The following EEFSEC variants were observed in gnomAD, a reference collection of about 807,000 sequenced individuals.
EEFSEC encodes selenocysteine-specific elongation factor.
In EEFSEC, 43 loss-of-function variants were observed where a neutral mutation model predicts 42.1. The observed-to-expected ratio is 1.02, with a 90% CI of 0.80 to 1.32. The LOEUF is 1.32. EEFSEC is among the 40% of genes most tolerant of loss of function. The pLI is 0.00. For synonymous variants in EEFSEC, 354 were observed against 339.1 expected, an observed-to-expected ratio of 1.04 and a Z score of -0.48; for missense variants, 745 against 803.6, an observed-to-expected ratio of 0.93 and a Z score of 0.88.
intron 1 of EEFSEC, among the ~76,000 whole-genome samples, chr3:128,235,791 A>G (rs1459676110): frequency 1.3e-5 from 2 of 152,224 alleles, no homozygotes; most frequent in African/African-American, 2.4e-5. Flanking sequence ...ACACGTAGCA[A>G]TGAGTGTCCA....
Position 128,408,066 on chromosome 3 carries a change from C to T in EEFSEC, c.1601-3C>T. On this transcript the variant is annotated splice_region_variant and splice_polypyrimidine_tract_variant and intron_variant, in intron 6 of 6. Transcript: ENST00000254730. ...GTGACAGGCTCTCTTCTGTGCCTTG[C>T]AGGTGGCCTCAGCCCCGAGTCCAAG... The T allele has an allele frequency of 1.9e-6, 3 of 1,549,774 alleles. No individual in the cohort carries two copies. Among genetic ancestry groups the T allele is most frequent in the African/African-American group, 1.4e-5 (1 of 73,030 alleles).
At chr3:128,224,427 A>C (rs906646102) in intron 1 of EEFSEC, among the ~76,000 whole-genome samples, 3 of 152,210 alleles carry the variant, frequency 2.0e-5, no homozygotes, top group Non-Finnish European at 4.4e-5. Flanking sequence ...TCATGCATGC[A>C]TCCTTATCCC....
At chr3:128,230,572 A>G (rs1187597977) in intron 1 of EEFSEC, among the ~76,000 whole-genome samples, 2 of 152,178 alleles carry the variant, frequency 1.3e-5, no homozygotes, top group Non-Finnish European at 2.9e-5. Flanking sequence ...AGCACTCATA[A>G]TGATCACTTT....
chr3:128,346,989 A>G (rs1009853371), intron 5 of EEFSEC, among the ~76,000 whole-genome samples: 1 of 152,218 alleles, frequency 6.6e-6, no homozygotes, highest in African/African-American at 2.4e-5. Context: ...TAGTTTTCCA[A>G]CCCCTAATAT....
intron 6 of EEFSEC, among the ~76,000 whole-genome samples, chr3:128,371,298 C>G (rs1225561578): frequency 6.6e-6 from 1 of 151,970 alleles, no homozygotes; most frequent in Non-Finnish European, 1.5e-5. Context: ...ATGCTTGTAT[C>G]TGGCCTTTGT....
At chr3:128,426,050 T>C in the EEFSEC span, among the ~76,000 whole-genome samples, 1 of 152,180 alleles carries the variant, frequency 6.6e-6, no homozygotes, top group Non-Finnish European at 1.5e-5. Flanking sequence ...CATCCCCTGT[T>C]CAATCCTCAC....
chr3:128,213,923 C>T (rs1371689769), intron 1 of EEFSEC, among the ~76,000 whole-genome samples: 1 of 152,172 alleles, frequency 6.6e-6, no homozygotes, highest in Non-Finnish European at 1.5e-5. Flanking sequence ...GCCCCAACCT[C>T]AGCCAAGTAA....
chr3:128,202,407 A>G (rs1319540931), intron 1 of EEFSEC, among the ~76,000 whole-genome samples: 2 of 152,140 alleles, frequency 1.3e-5, no homozygotes, highest in African/African-American at 4.8e-5. Context: ...ATTTCTAAGT[A>G]TTTTATGTAT....
chr3:128,358,218 C>T lies in EEFSEC; in HGVS notation c.1445C>T (p.Ala482Val), dbSNP rs772331269. Residue 482 changes from alanine to valine, a missense_variant and splice_region_variant, in exon 6 of 7, where the codon GCG becomes GTG. Transcript: ENST00000254730. ...LKHKHGLVER[A>V]MDDYSVIGRS... Reference sequence around the variant, plus strand: ...CTGTGGCTGGGTGTGTGGGGACAGGCGATGGATGACTACAGTGTGATCGGC... The same window carrying T: ...CTGTGGCTGGGTGTGTGGGGACAGGTGATGGATGACTACAGTGTGATCGGC... 5.6e-6 allele frequency: 9 copies of T among 1,613,572 alleles called. No individual in the cohort carries two copies. The highest frequency in any genetic ancestry group is 1.6e-4 in the Middle Eastern group (1 of 6,082).
chr3:128,402,340 G>A (rs1432030288), intron 6 of EEFSEC, among the ~76,000 whole-genome samples: 1 of 152,154 alleles, frequency 6.6e-6, no homozygotes, highest in Non-Finnish European at 1.5e-5. Flanking sequence ...GTCTTTCTTT[G>A]TGTAACTTTA....
intron 2 of EEFSEC, among the ~76,000 whole-genome samples, chr3:128,257,829 A>C (rs547527185): frequency 6.6e-6 from 1 of 152,210 alleles, no homozygotes; most frequent in African/African-American, 2.4e-5. Flanking sequence ...TGTGCGCGTC[A>C]AGCTGTCCCC....
intron 4 of EEFSEC, among the ~76,000 whole-genome samples, chr3:128,279,365 C>T (rs572128327): frequency 1.3e-5 from 2 of 152,362 alleles, no homozygotes; most frequent in Non-Finnish European, 2.9e-5. Flanking sequence ...TCCCTGGCCT[C>T]TACCCACTAG....
chr3:128,203,351 T>C (rs1176503093), intron 1 of EEFSEC, among the ~76,000 whole-genome samples: 1 of 152,240 alleles, frequency 6.6e-6, no homozygotes, highest in African/African-American at 2.4e-5. Flanking sequence ...TAAATCATGA[T>C]AGGCTATTTC....
chr3:128,222,908 A>G (rs2065874938), intron 1 of EEFSEC, among the ~76,000 whole-genome samples: 1 of 152,258 alleles, frequency 6.6e-6, no homozygotes, highest in Non-Finnish European at 1.5e-5. Context: ...TCTGTTACTC[A>G]TGGTGGGCCC....
intron 2 of EEFSEC, among the ~76,000 whole-genome samples, chr3:128,253,319 T>G (rs1010752944): frequency 6.6e-6 from 1 of 152,214 alleles, no homozygotes; most frequent in Non-Finnish European, 1.5e-5. Context: ...CCGTCAGCTC[T>G]GCGGATGGAG....
chr3:128,312,335 C>T (rs1485773597), intron 4 of EEFSEC, among the ~76,000 whole-genome samples: 2 of 152,206 alleles, frequency 1.3e-5, no homozygotes, highest in African/African-American at 4.8e-5. Context: ...GCAGGGTCCC[C>T]GCTGCTGCCC....
chr3:128,414,720 C>T, the EEFSEC span, among the ~76,000 whole-genome samples: 1 of 152,368 alleles, frequency 6.6e-6, no homozygotes, highest in Non-Finnish European at 1.5e-5. Context: ...ACTTCACCGC[C>T]ATCATCATCA....
At chr3:128,183,710 G>A (rs2065435750) in intron 1 of EEFSEC, among the ~76,000 whole-genome samples, 2 of 152,164 alleles carry the variant, frequency 1.3e-5, no homozygotes, top group Non-Finnish European at 1.5e-5. Flanking sequence ...GGTGGATAGC[G>A]GGTCCTCAGT....
At chr3:128,307,210 A>G (rs1294194131) in intron 4 of EEFSEC, among the ~76,000 whole-genome samples, 1 of 152,218 alleles carries the variant, frequency 6.6e-6, no homozygotes, top group Non-Finnish European at 1.5e-5. Context: ...CCCTCTGAGC[A>G]CTGTTTCTAG....
Sources: gnomAD v4.1 joint callset for allele counts (sites outside exome capture counted in the v4.1 genomes callset) on GRCh38, gnomAD v4.1.1 for gene constraint, MANE v1.5 for transcripts, NCBI Gene and HGNC (gene_info 2026-07-23, HGNC 2026-07-21) for gene names.